SUGT1: variants seen among roughly 807,000 people sequenced by gnomAD.
The protein encoded by SUGT1 is SGT1 assembly cochaperone of MIS12 kinetochore complex.
Under a neutral mutation model 56.1 loss-of-function variants are expected in SUGT1, and 15 were observed. That is an observed-to-expected ratio of 0.27 (90% confidence interval 0.18 to 0.41). The LOEUF is 0.41. SUGT1 is among the 10% of genes least tolerant of loss of function. The probability of loss-of-function intolerance (pLI) is 1.00; values close to 1 mark genes in which losing one functional copy is unlikely to be tolerated. For synonymous variants in SUGT1, 123 were observed against 128.6 expected (o/e 0.96, Z 0.30); for missense variants, 347 against 382.2 (o/e 0.91, Z 0.77).
chr13:52,682,391 G>A (rs1963414253), intron 12 of SUGT1, among the ~76,000 whole-genome samples: 1 of 152,030 alleles, frequency 6.6e-6, no homozygotes, highest in African/African-American at 2.4e-5. Flanking sequence ...GTAGAGGTGG[G>A]GGTGTCTCCG....
rs1316394647 is a variant in SUGT1 at position 52,693,174 on chromosome 13, C to T, written c.*5339C>T. On this transcript the variant is annotated 3_prime_UTR_variant, in exon 13 of 13. Transcript: ENST00000310528. The stretch of plus-strand genomic sequence containing the variant: ...TCTGGAGTCTTAAATATTTGGTATG[C>T]CTTCACATTTGGATTTTTAGTTTTA... The T allele has an allele frequency of 6.6e-6, 1 of 151,438 alleles. No individual in the cohort carries two copies. The highest frequency in any genetic ancestry group is 1.5e-5 in the Non-Finnish European group (1 of 67,890). The allele number at this position is 151,438 out of a possible 1,614,324, so 9.4% of individuals were successfully genotyped here. A position where few individuals can be genotyped will look rare whatever the true frequency, so the allele number is the denominator to read the frequency against.
chr13:52,685,784 A>G (rs1050476142), intron 12 of SUGT1, among the ~76,000 whole-genome samples: 1 of 152,232 alleles, frequency 6.6e-6, no homozygotes, highest in Non-Finnish European at 1.5e-5. Context: ...CAAAAGACCA[A>G]GATATACAAA....
chr13:52,680,289 TTC>T (rs1963320322), intron 12 of SUGT1, 134 bp downstream of exon 12: 3 of 741,500 alleles, frequency 4.0e-6, no homozygotes, highest in Non-Finnish European at 6.1e-6. Context: ...GTCTGAACGT[TTC>T]TTTTTGCTCT....
At chr13:52,666,952 A>G in intron 10 of SUGT1, 33 bp downstream of exon 10, 4 of 1,439,854 alleles carry the variant, frequency 2.8e-6, no homozygotes, top group Non-Finnish European at 3.9e-6. Flanking sequence ...TACTAGTAAT[A>G]TTTTCAAAAT....
At chr13:52,657,667 T>C (rs1281152058) in intron 3 of SUGT1, 45 bp downstream of exon 3, 2 of 1,531,238 alleles carry the variant, frequency 1.3e-6, no homozygotes, top group South Asian at 2.3e-5. Context: ...AATAAGTTAC[T>C]TATACATTTT....
At chr13:52,672,619 T>C (rs1962988965) in intron 10 of SUGT1, among the ~76,000 whole-genome samples, 1 of 152,164 alleles carries the variant, frequency 6.6e-6, no homozygotes, top group Non-Finnish European at 1.5e-5. Flanking sequence ...TTCTGAAGAT[T>C]AGGGGAACAA....
At position 52,690,342 on chromosome 13, in the gene SUGT1, C is replaced by A. The variant is rs1235963808; in HGVS notation, c.*2507C>A. The A allele has an allele frequency of 6.6e-6, 1 of 152,176 alleles. No individual in the cohort carries two copies. The highest frequency in any genetic ancestry group is 1.9e-4 in the East Asian group (1 of 5,194). The allele number at this position is 152,176 out of a possible 1,614,324, so 9.4% of individuals were successfully genotyped here. A position where few individuals can be genotyped will look rare whatever the true frequency, so the allele number is the denominator to read the frequency against. On this transcript the variant is annotated 3_prime_UTR_variant, in exon 13 of 13. Transcript: ENST00000310528. ...ACTCTATCCTTATCCTCTGCTATCT[C>A]AATGTAGCTATTAATTGTTCCCTCT...
At position 52,698,096 on chromosome 13, in the gene SUGT1, AG is replaced by A. The variant is rs1963988209; in HGVS notation, c.*10263del. On this transcript the variant is annotated 3_prime_UTR_variant, in exon 13 of 13. Transcript: ENST00000310528. ...AATGACCGGTTGTGAACAGGGACTT[AG>A]GAATATGTGTAGCATAGGATTTTAT... is the stretch of plus-strand genomic sequence containing the variant. 6.6e-6 allele frequency: 1 copy of A among 152,254 alleles called. No individual in the cohort carries two copies. The highest frequency in any genetic ancestry group is 6.5e-5 in the Admixed American group (1 of 15,284). The allele number at this position is 152,254 out of a possible 1,614,324, so 9.4% of individuals were successfully genotyped here. A position where few individuals can be genotyped will look rare whatever the true frequency, so the allele number is the denominator to read the frequency against.
intron 3 of SUGT1, 126 bp from the exon 4 acceptor site, chr13:52,658,273 C>G (rs1962258359): frequency 2.6e-6 from 4 of 1,532,446 alleles, no homozygotes; most frequent in East Asian, 2.4e-5. Flanking sequence ...TTAGCTTTTC[C>G]TAATTTAAAA....
intron 10 of SUGT1, 81 bp from the exon 11 acceptor site, chr13:52,676,149 T>C: frequency 9.0e-7 from 1 of 1,107,088 alleles, no homozygotes; most frequent in Non-Finnish European, 1.3e-6. Flanking sequence ...AACAAAACTT[T>C]GATGACTTAA....
Position 52,688,103 on chromosome 13 carries a change from AGTT to A in SUGT1, c.*271_*273del, listed in dbSNP as rs1209024633. On this transcript the variant is annotated 3_prime_UTR_variant, in exon 13 of 13. Coordinates refer to ENST00000310528, the MANE Select transcript of SUGT1 (RefSeq NM_006704.5). The stretch of plus-strand genomic sequence containing the variant: ...GCTCCTAGATAGATTCATTCTATCT[AGTT>A]GTGGGGATGGAGAAATCTTTAATGG... 7 of 204,478 alleles carry A rather than the reference AGTT, an allele frequency of 3.4e-5. No individual in the cohort carries two copies. Among genetic ancestry groups the A allele is most frequent in the Admixed American group, 1.8e-4 (3 of 16,752 alleles). The allele number at this position is 204,478 out of a possible 1,614,324, so 12.7% of individuals were successfully genotyped here. A position where few individuals can be genotyped will look rare whatever the true frequency, so the allele number is the denominator to read the frequency against.
In SUGT1 at chr13:52,690,678, A is replaced by G. The variant is rs1192846095; in HGVS notation, c.*2843A>G. ...GATATCTATACCACAAGTTTGAAAC[A>G]TCAAGGTCAATTTTGATAATTTCCT... On this transcript the variant is annotated 3_prime_UTR_variant, in exon 13 of 13. Coordinates refer to ENST00000310528, the MANE Select transcript of SUGT1 (RefSeq NM_006704.5). The G allele has an allele frequency of 6.6e-6, 1 of 152,152 alleles. No individual in the cohort carries two copies. Among genetic ancestry groups the G allele is most frequent in the Non-Finnish European group, 1.5e-5 (1 of 68,030 alleles). The allele number at this position is 152,152 out of a possible 1,614,324, so 9.4% of individuals were successfully genotyped here.
chr13:52,686,174 C>T (rs773841276), intron 12 of SUGT1, among the ~76,000 whole-genome samples: 5 of 151,798 alleles, frequency 3.3e-5, no homozygotes, highest in Non-Finnish European at 4.4e-5. Context: ...GTGATCTGCC[C>T]GCCTCAGCCT....
intron 12 of SUGT1, among the ~76,000 whole-genome samples, chr13:52,686,484 A>C (rs1963594083): frequency 6.6e-6 from 1 of 152,236 alleles, no homozygotes; most frequent in Admixed American, 6.5e-5. Context: ...AGACAAATTT[A>C]CAGGAATAGA....
Position 52,695,500 on chromosome 13 carries a change from T to C in SUGT1, c.*7665T>C, listed in dbSNP as rs1963903131. 1 of 152,256 alleles carries C rather than the reference T, an allele frequency of 6.6e-6. No individual in the cohort carries two copies. The highest frequency in any genetic ancestry group is 6.5e-5 in the Admixed American group (1 of 15,282). The allele number at this position is 152,256 out of a possible 1,614,324, so 9.4% of individuals were successfully genotyped here. A position where few individuals can be genotyped will look rare whatever the true frequency, so the allele number is the denominator to read the frequency against. The stretch of plus-strand genomic sequence containing the variant: ...AACCCTCAGGATTGTGAGGATTTAA[T>C]AACTAAGTCCTGACTCAAATTATGT... On this transcript the variant is annotated 3_prime_UTR_variant, in exon 13 of 13. Coordinates refer to ENST00000310528, the MANE Select transcript of SUGT1 (RefSeq NM_006704.5).
In SUGT1 at chr13:52,690,691, T is replaced by TTGA. The variant is rs1963751591; in HGVS notation, c.*2858_*2860dup. Reference sequence around the variant, plus strand: ...CAAGTTTGAAACATCAAGGTCAATTTTGATAATTTCCTGTCTTATGTCTTA... The same window carrying TTGA: ...CAAGTTTGAAACATCAAGGTCAATTTTGATGATAATTTCCTGTCTTATGTCTTA... On this transcript the variant is annotated 3_prime_UTR_variant, in exon 13 of 13. Transcript: ENST00000310528. The TTGA allele has an allele frequency of 6.6e-6, 1 of 152,166 alleles. No individual in the cohort carries two copies. The highest frequency in any genetic ancestry group is 1.5e-5 in the Non-Finnish European group (1 of 68,016). 9.4% of individuals were successfully genotyped at this position (152,166 alleles called of 1,614,324 possible).
At chr13:52,678,148 A>G (rs1203472531) in intron 11 of SUGT1, among the ~76,000 whole-genome samples, 2 of 152,308 alleles carry the variant, frequency 1.3e-5, no homozygotes, top group African/African-American at 2.4e-5. Flanking sequence ...AATTAAATCC[A>G]TATTTCCCAG....
chr13:52,679,724 G>C (rs758842684), intron 11 of SUGT1, among the ~76,000 whole-genome samples: 3 of 152,092 alleles, frequency 2.0e-5, no homozygotes, highest in Non-Finnish European at 4.4e-5. Flanking sequence ...CATATCAAAA[G>C]TTTACACTTT....
chr13:52,676,737 G>A (rs1362181816), intron 11 of SUGT1, among the ~76,000 whole-genome samples: 1 of 152,090 alleles, frequency 6.6e-6, no homozygotes, highest in African/African-American at 2.4e-5. Flanking sequence ...CTAATTGCCT[G>A]GAATTTGCAG....
Sources: gnomAD v4.1 joint callset for allele counts (sites outside exome capture counted in the v4.1 genomes callset) on GRCh38, gnomAD v4.1.1 for gene constraint, MANE v1.5 for transcripts, NCBI Gene and HGNC (gene_info 2026-07-23, HGNC 2026-07-21) for gene names.